Variants in ZFHX3 observed in about 807,000 individuals in gnomAD.
ZFHX3 encodes the protein zinc finger homeobox 3.
In ZFHX3, 42 loss-of-function variants were observed where a neutral mutation model predicts 279.1. That is an observed-to-expected ratio of 0.15 (90% CI 0.12 to 0.19). The LOEUF (loss-of-function observed/expected upper bound fraction) is 0.19. ZFHX3 is among the 10% of genes least tolerant of loss of function. The pLI is 1.00. For synonymous variants in ZFHX3, 2,293 were observed against 1,957.8 expected (o/e 1.17, Z -4.52); for missense variants, 4,981 against 4,754.0 (o/e 1.05, Z -1.40).
intron 2 of ZFHX3, among the ~76,000 whole-genome samples, chr16:73,621,532 G>A (rs963261256): frequency 1.3e-5 from 2 of 151,914 alleles, no homozygotes; most frequent in African/African-American, 4.9e-5. Context: ...TTTATTTGAG[G>A]AAGGAAGGGA....
At chr16:73,396,986 G>C (rs890543473) in intron 3 of ZFHX3, among the ~76,000 whole-genome samples, 3 of 152,218 alleles carry the variant, frequency 2.0e-5, no homozygotes, top group African/African-American at 7.2e-5. Context: ...GTAGGTGGTG[G>C]CAATGCCCCC....
intron 4 of ZFHX3, among the ~76,000 whole-genome samples, chr16:73,279,297 T>C (rs1442796009): frequency 6.6e-6 from 1 of 152,118 alleles, no homozygotes; most frequent in African/African-American, 2.4e-5. Flanking sequence ...GACTACGATA[T>C]CTGTCGTAAG....
chr16:73,543,598 G>A (rs2020055106), intron 2 of ZFHX3, among the ~76,000 whole-genome samples: 1 of 152,172 alleles, frequency 6.6e-6, no homozygotes, highest in South Asian at 2.1e-4. Flanking sequence ...GTCAAGTGGA[G>A]GCCTGCCTGG....
chr16:73,704,988 C>T (rs920225962), intron 1 of ZFHX3, among the ~76,000 whole-genome samples: 6 of 152,168 alleles, frequency 3.9e-5, no homozygotes, highest in African/African-American at 1.4e-4. Context: ...ATACTCCCAC[C>T]ATGGCTGATT....
chr16:73,105,457 A>ATATT lies in ZFHX3; in HGVS notation c.-896-11860_-896-11859insAATA, dbSNP rs1555498948. 1.7e-4 allele frequency among the ~76,000 whole-genome samples: 20 copies of ATATT among 120,498 alleles called. 1 individual carries two copies. Among genetic ancestry groups the ATATT allele is most frequent in the African/African-American group, 7.3e-4 (20 of 27,302 alleles). The allele number at this position is 120,498 out of a possible 152,430, so 79.1% of individuals were successfully genotyped here. ...TACACACACACACATATATATATAT[A>ATATT]TTTTTTCCCCCAGGCCAGGCGTGCT... On this transcript the variant is annotated intron_variant, in intron 7 of 17. Transcript: ENST00000641206.
intron 1 of ZFHX3, among the ~76,000 whole-genome samples, chr16:73,821,538 T>G (rs189028): frequency 0.016 from 2,411 of 152,278 alleles, 80 homozygotes; most frequent in African/African-American, 0.053. Flanking sequence ...CCCCTACCCC[T>G]CAGGACTGTT....
chr16:73,147,833 C>G (rs1156873784), intron 5 of ZFHX3, among the ~76,000 whole-genome samples: 3 of 152,038 alleles, frequency 2.0e-5, no homozygotes, highest in Non-Finnish European at 4.4e-5. Flanking sequence ...GATCATGCCA[C>G]TGCACTCCAG....
chr16:72,927,135 C>A (rs1412524403), intron 3 of ZFHX3, among the ~76,000 whole-genome samples: 3 of 152,180 alleles, frequency 2.0e-5, no homozygotes, highest in Non-Finnish European at 4.4e-5. Context: ...GGTCTCCACT[C>A]CTTCTTCACT....
At chr16:73,381,781 T>C (rs1176246752) in intron 3 of ZFHX3, among the ~76,000 whole-genome samples, 1 of 152,044 alleles carries the variant, frequency 6.6e-6, no homozygotes, top group Non-Finnish European at 1.5e-5. Flanking sequence ...AGTAAATAAA[T>C]AAAAAATAAA....
chr16:73,213,211 C>A (rs997124445), intron 5 of ZFHX3, among the ~76,000 whole-genome samples: 6 of 152,180 alleles, frequency 3.9e-5, no homozygotes, highest in African/African-American at 1.4e-4. Flanking sequence ...TAGCACCCAG[C>A]CTTTGATTAC....
intron 1 of ZFHX3, among the ~76,000 whole-genome samples, chr16:73,864,289 C>T (rs1457010495): frequency 1.3e-5 from 2 of 152,168 alleles, no homozygotes; most frequent in African/African-American, 2.4e-5. Flanking sequence ...AATATACTTG[C>T]CCTCAGAGCA....
intron 1 of ZFHX3, among the ~76,000 whole-genome samples, chr16:73,859,658 A>C (rs2142388513): frequency 6.6e-6 from 1 of 152,370 alleles, no homozygotes; most frequent in East Asian, 1.9e-4. Flanking sequence ...ATAACAAAAA[A>C]GCAAAAATGA....
rs546179976 is a variant in ZFHX3, at chr16:73,814,577, T to A, written c.-1608+77074A>T. On this transcript the variant is annotated intron_variant, in intron 1 of 17. Transcript: ENST00000641206. ...CTTACATAGTTCACAACTTTTTTTTTTTTTTTTGAGATGGAGTTTCGCTCT... is the reference window on the plus strand; with the variant it reads ...CTTACATAGTTCACAACTTTTTTTTATTTTTTTGAGATGGAGTTTCGCTCT... Among the ~76,000 whole-genome samples the A allele has an allele frequency of 5.1e-4, 77 of 152,086 alleles. 2 individuals carry two copies. Among genetic ancestry groups the A allele is most frequent in the African/African-American group, 1.8e-3 (76 of 41,498 alleles).
intron 1 of ZFHX3, among the ~76,000 whole-genome samples, chr16:73,745,053 C>T (rs2053691327): frequency 6.6e-6 from 1 of 152,140 alleles, no homozygotes; most frequent in African/African-American, 2.4e-5. Context: ...GACAACCTCT[C>T]AGAAATGAGT....
At chr16:72,947,604 C>G (rs188013864) in intron 3 of ZFHX3, among the ~76,000 whole-genome samples, 51 of 152,108 alleles carry the variant, frequency 3.4e-4, no homozygotes, top group African/African-American at 1.2e-3. Context: ...GGAGGGCCAC[C>G]GGGAAGCCAC....
intron 1 of ZFHX3, among the ~76,000 whole-genome samples, chr16:73,838,141 C>A (rs1195438081): frequency 6.6e-6 from 1 of 152,174 alleles, no homozygotes; most frequent in African/African-American, 2.4e-5. Flanking sequence ...CAGGTTTTGA[C>A]TGAATTTGGT....
chr16:73,614,064 G>A (rs918394761), intron 2 of ZFHX3, among the ~76,000 whole-genome samples: 3 of 152,160 alleles, frequency 2.0e-5, no homozygotes, highest in South Asian at 2.1e-4. Context: ...TAAATGTTAC[G>A]GTTTAGGTAA....
intron 2 of ZFHX3, among the ~76,000 whole-genome samples, chr16:73,532,477 G>T (rs1489670641): frequency 6.6e-6 from 1 of 152,042 alleles, no homozygotes; most frequent in Non-Finnish European, 1.5e-5. Flanking sequence ...GTCTTTACCA[G>T]CAGCGTGAAA....
At chr16:73,188,824 A>G (rs541769027) in intron 5 of ZFHX3, among the ~76,000 whole-genome samples, 137 of 151,486 alleles carry the variant, frequency 9.0e-4, no homozygotes, top group South Asian at 1.7e-3. Context: ...TTTTTCCCCT[A>G]TGGCTATTTA....
Sources: allele counts gnomAD v4.1 joint callset (sites outside exome capture counted in the v4.1 genomes callset), GRCh38; gene constraint gnomAD v4.1.1; transcripts MANE v1.5; gene names NCBI Gene and HGNC (gene_info 2026-07-23, HGNC 2026-07-21).